The following TNRC6B variants were observed in gnomAD, a reference collection of about 807,000 sequenced individuals.
TNRC6B encodes trinucleotide repeat-containing gene 6B protein.
TNRC6B carries 52 observed loss-of-function variants against 203.6 expected under a neutral mutation model. The observed-to-expected ratio is 0.26, with a 90% CI of 0.20 to 0.32. The LOEUF is 0.32. TNRC6B is among the 10% of genes least tolerant of loss of function. The probability of loss-of-function intolerance (pLI) is 1.00; values close to 1 mark genes in which losing one functional copy is unlikely to be tolerated. For missense variants in TNRC6B, 1,923 were observed against 2,286.2 expected (o/e 0.84, Z 3.24); for synonymous variants, 838 against 845.7 (o/e 0.99, Z 0.16).
intron 1 of TNRC6B, among the ~76,000 whole-genome samples, chr22:40,200,594 T>C (rs1274081912): frequency 6.6e-6 from 1 of 152,102 alleles, no homozygotes; most frequent in Admixed American, 6.6e-5. Context: ...GGCTAAAAAG[T>C]AATATTCTTG....
rs1601916811 is a variant in TNRC6B at position 40,246,204 on chromosome 22, T to C, written c.93+102T>C. 1.4e-5 allele frequency: 13 copies of C among 935,612 alleles called. No individual in the cohort carries two copies. In the East Asian group the frequency reaches 3.8e-4, roughly 27 times the overall value. The allele number at this position is 935,612 out of a possible 1,614,324, so 58.0% of individuals were successfully genotyped here. A position where few individuals can be genotyped will look rare whatever the true frequency, so the allele number is the denominator to read the frequency against. On this transcript the variant is annotated intron_variant, in intron 2 of 22. Transcript: ENST00000454349. ...AATATCCGATATCTTTTATTTTTTT[T>C]CCTGAGATGGAGTCTTGCTCTGTCA...
At chr22:40,195,732 G>T (rs541061342) in intron 1 of TNRC6B, among the ~76,000 whole-genome samples, 5 of 152,054 alleles carry the variant, frequency 3.3e-5, no homozygotes, top group Admixed American at 1.3e-4. Flanking sequence ...GGGATTATAG[G>T]CATGAGCCAC....
intron 12 of TNRC6B, among the ~76,000 whole-genome samples, chr22:40,298,570 C>G (rs2070976782): frequency 6.6e-6 from 1 of 152,210 alleles, no homozygotes. Flanking sequence ...CTCATAAAAT[C>G]TAATAATGAC....
intron 1 of TNRC6B, among the ~76,000 whole-genome samples, chr22:40,202,597 G>T (rs2069428388): frequency 6.6e-6 from 1 of 152,058 alleles, no homozygotes; most frequent in Non-Finnish European, 1.5e-5. Context: ...CGAATGACTT[G>T]TTTCTCAGTT....
At chr22:40,161,955 C>T (rs1271315307) in intron 4 of TNRC6B, among the ~76,000 whole-genome samples, 1 of 152,142 alleles carries the variant, frequency 6.6e-6, no homozygotes, top group East Asian at 1.9e-4. Flanking sequence ...CAGGTACTTG[C>T]TCATAGATTG....
Position 40,110,174 on chromosome 22 carries a change from A to G in TNRC6B, c.-120-6881A>G, listed in dbSNP as rs2068320473. On this transcript the variant is annotated intron_variant, in intron 1 of 23. Transcript: ENST00000301923. Reference sequence around the variant, plus strand: ...TCTTTTAATTTTAATTTTTAATGTAAATTGCCAAATTATAATTGCATATAC... The same window carrying G: ...TCTTTTAATTTTAATTTTTAATGTAGATTGCCAAATTATAATTGCATATAC... Among the ~76,000 whole-genome samples the G allele has an allele frequency of 2.0e-5, 3 of 152,206 alleles. No individual in the cohort carries two copies. The South Asian group carries it at 6.2e-4, about 32-fold the overall frequency.
chr22:40,334,347 T>C lies in TNRC6B; in HGVS notation c.*11106T>C, dbSNP rs1458445561. 6.6e-6 allele frequency: 1 copy of C among 152,544 alleles called. No homozygotes were observed. Among genetic ancestry groups the C allele is most frequent in the African/African-American group, 2.4e-5 (1 of 41,402 alleles). The allele number at this position is 152,544 out of a possible 1,614,324, so 9.4% of individuals were successfully genotyped here. A position where few individuals can be genotyped will look rare whatever the true frequency, so the allele number is the denominator to read the frequency against. On this transcript the variant is annotated 3_prime_UTR_variant, in exon 23 of 23. Coordinates refer to ENST00000454349, the MANE Select transcript of TNRC6B (RefSeq NM_001162501.2). ...CCCTTGGCCTTAATCTCAGTATGAC[T>C]TAAGGTGCAGGAACATTTTTAACAG... is the stretch of plus-strand genomic sequence containing the variant.
At chr22:40,260,992 G>C (rs2070373270) in intron 3 of TNRC6B, among the ~76,000 whole-genome samples, 1 of 152,160 alleles carries the variant, frequency 6.6e-6, no homozygotes, top group Non-Finnish European at 1.5e-5. Flanking sequence ...AATAATCTTA[G>C]CCAGGGTCTG....
At chr22:40,269,398 G>T (rs374802137) in intron 5 of TNRC6B, among the ~76,000 whole-genome samples, 4 of 152,164 alleles carry the variant, frequency 2.6e-5, no homozygotes, top group East Asian at 1.9e-4. Flanking sequence ...CTCCTAAAGT[G>T]CTGGGATAAC....
chr22:40,152,562 T>C (rs1280993398), intron 3 of TNRC6B, among the ~76,000 whole-genome samples: 1 of 152,076 alleles, frequency 6.6e-6, no homozygotes, highest in Non-Finnish European at 1.5e-5. Context: ...TCTCCTGACC[T>C]TGTGATCCGC....
intron 9 of TNRC6B, among the ~76,000 whole-genome samples, chr22:40,278,417 G>C (rs1000821917): frequency 6.6e-6 from 1 of 152,054 alleles, no homozygotes; most frequent in African/African-American, 2.4e-5. Context: ...AATTAGCTGG[G>C]CATGGTGTGG....
intron 1 of TNRC6B, among the ~76,000 whole-genome samples, chr22:40,054,484 A>G (rs1471442374): frequency 6.6e-6 from 1 of 152,216 alleles, no homozygotes; most frequent in African/African-American, 2.4e-5. Context: ...TGCCTCTTCA[A>G]TCCTGAGCTC....
chr22:40,246,228 C>A, intron 2 of TNRC6B, 126 bp downstream of exon 2: 1 of 695,272 alleles, frequency 1.4e-6, no homozygotes. Flanking sequence ...CTTGCTCTGT[C>A]ACCTAGGCTG....
At chr22:40,116,277 G>A (rs562463664) in intron 1 of TNRC6B, among the ~76,000 whole-genome samples, 16 of 152,238 alleles carry the variant, frequency 1.1e-4, no homozygotes, top group Non-Finnish European at 1.9e-4. Context: ...TGCTGGGCTC[G>A]CCATTGCTTT....
chr22:40,239,744 G>A (rs1181153131), intron 1 of TNRC6B, among the ~76,000 whole-genome samples: 6 of 152,160 alleles, frequency 3.9e-5, no homozygotes, highest in Non-Finnish European at 4.4e-5. Flanking sequence ...TCTCAGCATC[G>A]TTGCTTTTTG....
intron 4 of TNRC6B, among the ~76,000 whole-genome samples, chr22:40,156,525 T>C (rs1219005312): frequency 6.6e-6 from 1 of 152,216 alleles, no homozygotes; most frequent in East Asian, 1.9e-4. Flanking sequence ...ATTGTCTTTC[T>C]GAAGTGAACT....
intron 15 of TNRC6B, among the ~76,000 whole-genome samples, chr22:40,307,474 T>C (rs994931688): frequency 2.6e-5 from 4 of 152,136 alleles, no homozygotes; most frequent in Non-Finnish European, 4.4e-5. Flanking sequence ...TGTTTCATCA[T>C]TTTAGTCCTT....
chr22:40,229,049 A>G (rs375132304), intron 1 of TNRC6B, among the ~76,000 whole-genome samples: 4 of 152,342 alleles, frequency 2.6e-5, no homozygotes, highest in East Asian at 1.9e-4. Context: ...AACCGTAAGA[A>G]TGGTTAAAAA....
chr22:40,298,834 C>T (rs1306288440), intron 12 of TNRC6B, among the ~76,000 whole-genome samples: 2 of 152,054 alleles, frequency 1.3e-5, no homozygotes, highest in Non-Finnish European at 1.5e-5. Context: ...GGCGCAGTGG[C>T]GGGCGCCTGT....
Sources: gnomAD v4.1 joint callset for allele counts (sites outside exome capture counted in the v4.1 genomes callset) on GRCh38, gnomAD v4.1.1 for gene constraint, MANE v1.5 for transcripts, NCBI Gene and HGNC (gene_info 2026-07-23, HGNC 2026-07-21) for gene names.